DCC: variants seen among roughly 807,000 people sequenced by gnomAD.
DCC encodes netrin receptor DCC.
A neutral mutation model predicts 172.5 loss-of-function variants in DCC; 58 were observed. The observed-to-expected ratio is 0.34, with a 90% CI of 0.27 to 0.42. The LOEUF is 0.42. Ranked by LOEUF, DCC falls within the 10% of genes least tolerant of loss-of-function variation. The pLI, the probability that DCC is intolerant of heterozygous loss-of-function variation, is 1.00. For missense variants in DCC, 1,740 were observed against 1,791.0 expected (o/e 0.97, Z 0.51); for synonymous variants, 709 against 644.5 (o/e 1.10, Z -1.52).
At chr18:52,769,943 C>T (rs1489825856) in intron 2 of DCC, among the ~76,000 whole-genome samples, 1 of 152,160 alleles carries the variant, frequency 6.6e-6, no homozygotes, top group Non-Finnish European at 1.5e-5. Context: ...TGTCTATTAA[C>T]ACCATCCAAA....
chr18:52,894,518 C>T (rs1237452251), intron 2 of DCC, among the ~76,000 whole-genome samples: 3 of 150,470 alleles, frequency 2.0e-5, no homozygotes, highest in Non-Finnish European at 3.0e-5. Context: ...AGGATCTATC[C>T]ATCTATTTAG....
At chr18:53,217,647 T>C (rs1231130989) in intron 12 of DCC, among the ~76,000 whole-genome samples, 1 of 152,126 alleles carries the variant, frequency 6.6e-6, no homozygotes. Context: ...TCTCAGTGTA[T>C]TGATTCAGAC....
At chr18:52,702,590 A>G (rs1375719731) in intron 1 of DCC, among the ~76,000 whole-genome samples, 1 of 152,136 alleles carries the variant, frequency 6.6e-6, no homozygotes, top group Non-Finnish European at 1.5e-5. Context: ...GCTCCAAGAA[A>G]GTACTGGACT....
At chr18:52,513,058 C>T (rs965709776) in intron 1 of DCC, among the ~76,000 whole-genome samples, 1 of 152,064 alleles carries the variant, frequency 6.6e-6, no homozygotes, top group Non-Finnish European at 1.5e-5. Context: ...AAGAGAACTG[C>T]TCTTGCTCCT....
chr18:52,939,086 T>C (rs1393155697), intron 5 of DCC, among the ~76,000 whole-genome samples: 10 of 152,160 alleles, frequency 6.6e-5, no homozygotes, highest in Admixed American at 6.6e-4. Context: ...CAAACCACTG[T>C]GGGATTTGGT....
chr18:52,891,421 A>G (rs1368535142), intron 2 of DCC, among the ~76,000 whole-genome samples: 1 of 152,162 alleles, frequency 6.6e-6, no homozygotes, highest in Non-Finnish European at 1.5e-5. Flanking sequence ...GGATGAATGT[A>G]AAGTCTGACC....
intron 1 of DCC, among the ~76,000 whole-genome samples, chr18:52,410,708 G>T (rs1986815039): frequency 6.6e-6 from 1 of 152,014 alleles, no homozygotes; most frequent in African/African-American, 2.4e-5. Context: ...ATTCACCTTG[G>T]GCCTGAAGCA....
intron 15 of DCC, among the ~76,000 whole-genome samples, chr18:53,345,469 A>C (rs1482978971): frequency 6.6e-6 from 1 of 152,112 alleles, no homozygotes; most frequent in Non-Finnish European, 1.5e-5. Context: ...AGACAGTCTT[A>C]TATATTTATT....
At chr18:52,742,735 A>C (rs1042930301) in intron 1 of DCC, among the ~76,000 whole-genome samples, 4 of 152,136 alleles carry the variant, frequency 2.6e-5, no homozygotes, top group Non-Finnish European at 4.4e-5. Flanking sequence ...AAAGCAAGCA[A>C]TTTTCCAAGT....
At chr18:52,941,017 A>G (rs1212167863) in intron 5 of DCC, 1 of 152,190 alleles carries the variant, frequency 6.6e-6, no homozygotes, top group Admixed American at 6.6e-5. Flanking sequence ...TATTATAGTA[A>G]GACCAGATGA....
At chr18:52,490,742 G>A (rs539296524) in intron 1 of DCC, among the ~76,000 whole-genome samples, 7 of 152,162 alleles carry the variant, frequency 4.6e-5, no homozygotes, top group African/African-American at 1.4e-4. Context: ...CATTTGGATT[G>A]CATAGTAGGA....
chr18:52,780,884 A>T (rs2145184724), intron 2 of DCC, among the ~76,000 whole-genome samples: 1 of 152,254 alleles, frequency 6.6e-6, no homozygotes, highest in Middle Eastern at 3.4e-3. Flanking sequence ...ATAAGGAGAG[A>T]AGTCTTAGGT....
At chr18:52,383,077 T>C (rs187721816) in intron 1 of DCC, among the ~76,000 whole-genome samples, 15 of 152,254 alleles carry the variant, frequency 9.9e-5, no homozygotes, top group Admixed American at 9.8e-4. Context: ...TTACACACGA[T>C]GCTAGGATGA....
chr18:52,742,842 A>G (rs1349629499), intron 1 of DCC, among the ~76,000 whole-genome samples: 3 of 152,178 alleles, frequency 2.0e-5, no homozygotes. Flanking sequence ...AAGGATCCTG[A>G]AAATAACAAG....
intron 1 of DCC, among the ~76,000 whole-genome samples, chr18:52,642,077 TATACAC>T (rs201793462): frequency 0.31 from 38,210 of 121,542 alleles, 6,936 homozygotes; most frequent in South Asian, 0.47. Flanking sequence ...TATATATATA[TATACAC>T]ACACACACAC....
intron 17 of DCC, among the ~76,000 whole-genome samples, chr18:53,394,967 C>T (rs1444757899): frequency 6.9e-6 from 1 of 145,312 alleles, no homozygotes; most frequent in Non-Finnish European, 1.5e-5. Flanking sequence ...CATGGTGAAA[C>T]TTTGTCTCCA....
At chr18:52,357,936 T>TCAAAAAAA (rs71173391) in intron 1 of DCC, among the ~76,000 whole-genome samples, 1 of 123,404 alleles carries the variant, frequency 8.1e-6, no homozygotes, top group South Asian at 2.8e-4. Context: ...AGACTCTGTG[T>TCAAAAAAA]AAAAAAAAAA....
At chr18:53,526,841 T>A in intron 28 of DCC, 82 bp downstream of exon 28, 15 of 1,242,676 alleles carry the variant, frequency 1.2e-5, no homozygotes, top group Non-Finnish European at 1.6e-5. Flanking sequence ...CAATGAGTAC[T>A]GTCCATTCAC....
chr18:52,776,679 T>C (rs1192091953), intron 2 of DCC, among the ~76,000 whole-genome samples: 12 of 151,858 alleles, frequency 7.9e-5, no homozygotes, highest in Admixed American at 7.9e-4. Context: ...TTTAAGAAAA[T>C]GAAGGATAAA....
Sources: allele counts gnomAD v4.1 joint callset (sites outside exome capture counted in the v4.1 genomes callset), GRCh38; gene constraint gnomAD v4.1.1; transcripts MANE v1.5; gene names NCBI Gene and HGNC (gene_info 2026-07-23, HGNC 2026-07-21).